The following SRP19 variants were observed in gnomAD, a reference collection of about 807,000 sequenced individuals.
SRP19 encodes the protein signal recognition particle 19.
A neutral mutation model predicts 22.4 loss-of-function variants in SRP19; 11 were observed. That is an observed-to-expected ratio of 0.49 (90% confidence interval 0.31 to 0.81). SRP19 has a LOEUF of 0.81. Ranked by LOEUF, SRP19 falls within the 40% of genes least tolerant of loss-of-function variation. SRP19 has a pLI of 0.05. For synonymous variants in SRP19, 61 were observed against 57.6 expected, an observed-to-expected ratio of 1.06 and a Z score of -0.27; for missense variants, 168 against 175.9, an observed-to-expected ratio of 0.96 and a Z score of 0.25.
At chr5:112,871,243 A>ATTTTTT (rs10592964), downstream of SRP19, among the ~76,000 whole-genome samples, 447 of 93,930 alleles carry the variant, frequency 4.8e-3, 8 homozygotes, top group African/African-American at 9.3e-3. Context: ...CAATCAGTGA[A>ATTTTTT]TTTTTTTTTT....
At chr5:112,872,906 T>G (rs1767788240), downstream of SRP19, among the ~76,000 whole-genome samples, 1 of 151,408 alleles carries the variant, frequency 6.6e-6, no homozygotes. Flanking sequence ...CATTCTACCC[T>G]TACATTGTTT....
chr5:112,892,135 G>T (rs1372268486), exon 5 of SRP19: 1 of 1,614,192 alleles, frequency 6.2e-7, no homozygotes, highest in Non-Finnish European at 8.5e-7. Flanking sequence ...ACCACCCGTG[G>T]ATTTCAGAGT....
downstream of SRP19, among the ~76,000 whole-genome samples, chr5:112,873,447 A>C (rs1423955409): frequency 6.6e-6 from 1 of 150,464 alleles, no homozygotes; most frequent in Non-Finnish European, 1.5e-5. Context: ...CCTGGGTTCA[A>C]GCGATTCTCC....
At chr5:112,896,996 T>C (rs567942026), downstream of SRP19, 1 of 152,174 alleles carries the variant, frequency 6.6e-6, no homozygotes, top group Non-Finnish European at 1.5e-5. Flanking sequence ...AGATATTAAT[T>C]GCAGCATTAT....
intron 1 of SRP19, chr5:112,862,305 G>T (rs913642136): frequency 3.2e-6 from 2 of 617,856 alleles, no homozygotes; most frequent in Admixed American, 5.6e-5. Flanking sequence ...GTAGGCCCGC[G>T]GCCAGTCTGA....
chr5:112,872,344 T>TTTTTG, downstream of SRP19, among the ~76,000 whole-genome samples: 3 of 147,732 alleles, frequency 2.0e-5, no homozygotes, highest in South Asian at 4.3e-4. Flanking sequence ...TTTTTTTTTT[T>TTTTTG]TGAGACAGAG....
chr5:112,866,798 A>G (rs1373797579), intron 4 of SRP19, among the ~76,000 whole-genome samples: 4 of 152,216 alleles, frequency 2.6e-5, no homozygotes, highest in Non-Finnish European at 5.9e-5. Flanking sequence ...CTTGTAATTA[A>G]CTAGTAGATA....
intron 4 of SRP19, among the ~76,000 whole-genome samples, chr5:112,865,664 G>A (rs1414341185): frequency 3.3e-5 from 5 of 151,470 alleles, no homozygotes; most frequent in Admixed American, 1.3e-4. Context: ...CGCGATCTCA[G>A]CTCACTGCAA....
chr5:112,871,046 G>A (rs1767746531), downstream of SRP19, among the ~76,000 whole-genome samples: 1 of 152,030 alleles, frequency 6.6e-6, no homozygotes, highest in South Asian at 2.1e-4. Flanking sequence ...TAAAGATGGG[G>A]TTTCACCATG....
In SRP19 at chr5:112,864,520, T is replaced by C. The variant is rs750709693; in HGVS notation, c.181T>C (p.Phe61Leu). 1.1e-5 allele frequency: 17 copies of C among 1,613,990 alleles called. No individual in the cohort carries two copies. Among genetic ancestry groups the C allele is most frequent in the Non-Finnish European group, 1.4e-5 (17 of 1,179,982 alleles). ...ATGTTCAGCAGTTGGACTTAACGTA[T>C]TTCTTGAGGTATGACGTGGTTCTTC... ...DVCSAVGLNVFLEKNKMYSRE... is the reference protein window; with the variant it reads ...DVCSAVGLNVLLEKNKMYSRE... The change falls in exon 3 of 5, where the codon TTT becomes CTT. Residue 61 changes from phenylalanine to leucine, a missense_variant. By Grantham distance (22) the Phe-to-Leu change is conservative. Transcript: ENST00000505459.
intron 4 of SRP19, chr5:112,876,913 ACCT>A (rs761433890): frequency 4.6e-5 from 7 of 152,120 alleles, no homozygotes; most frequent in Non-Finnish European, 7.4e-5. Flanking sequence ...TAACTTTTGT[ACCT>A]CCTCATCTTG....
At chr5:112,886,940 C>T (rs931759597) in intron 4 of SRP19, 11 of 1,139,936 alleles carry the variant, frequency 9.6e-6, no homozygotes, top group Admixed American at 2.1e-5. Flanking sequence ...ACAAGAAGGC[C>T]AGGAAGCCTG....
At chr5:112,887,138 C>T (rs190214713) in intron 4 of SRP19, 3 of 1,612,508 alleles carry the variant, frequency 1.9e-6, no homozygotes, top group African/African-American at 2.7e-5. Flanking sequence ...AGCAGTTCAG[C>T]CCCATTAGAA....
At chr5:112,880,998 C>CCA (rs1768057544) in intron 4 of SRP19, among the ~76,000 whole-genome samples, 4 of 151,776 alleles carry the variant, frequency 2.6e-5, no homozygotes, top group Admixed American at 2.6e-4. Flanking sequence ...GCGTGGTGGC[C>CCA]CACACCTGTA....
exon 5 of SRP19, chr5:112,892,387 C>G: frequency 6.2e-7 from 1 of 1,614,066 alleles, no homozygotes; most frequent in South Asian, 1.1e-5. Context: ...GGATGTGTTG[C>G]CCGAGTTCAA....
intron 4 of SRP19, among the ~76,000 whole-genome samples, chr5:112,883,380 CA>C (rs1369286192): frequency 6.6e-6 from 1 of 152,192 alleles, no homozygotes; most frequent in Non-Finnish European, 1.5e-5. Flanking sequence ...GACCTGTTGA[CA>C]GCATGTAACA....
chr5:112,861,535 C>G (rs1426216486), intron 1 of SRP19, 118 bp downstream of exon 1: 12 of 1,086,626 alleles, frequency 1.1e-5, no homozygotes, highest in South Asian at 3.0e-5. Context: ...CCAACTCGCT[C>G]TGTACGGGCC....
In SRP19 at chr5:112,864,709, T is replaced by C; in HGVS notation, c.278T>C (p.Leu93Pro). 6.2e-7 allele frequency: 1 copy of C among 1,614,018 alleles called. No individual in the cohort carries two copies. ...RVQLKQEDGS[L>P]CLVQFPSRKS... ...CAGCTCAAACAGGAAGATGGGAGCCTCTGCCTTGTACAGTTCCCATCACGT... is the reference window on the plus strand; with the variant it reads ...CAGCTCAAACAGGAAGATGGGAGCCCCTGCCTTGTACAGTTCCCATCACGT... The change falls in exon 4 of 5, where the codon CTC becomes CCC. Residue 93 changes from leucine (L) to proline (P), a missense_variant. Transcript: ENST00000505459.
chr5:112,890,773 CAAAG>C (rs772604038), intron 4 of SRP19, among the ~76,000 whole-genome samples: 1 of 150,690 alleles, frequency 6.6e-6, no homozygotes, highest in Non-Finnish European at 1.5e-5. Context: ...AGGATGGACT[CAAAG>C]AAACTAACTT....
Sources: gnomAD v4.1 joint callset for allele counts (sites outside exome capture counted in the v4.1 genomes callset) on GRCh38, gnomAD v4.1.1 for gene constraint, MANE v1.5 for transcripts, NCBI Gene and HGNC (gene_info 2026-07-23, HGNC 2026-07-21) for gene names.